ROBO2: variants seen among roughly 807,000 people sequenced by gnomAD.
The protein encoded by ROBO2 is roundabout guidance receptor 2, also known as roundabout homolog 2.
Under a neutral mutation model 160.8 loss-of-function variants are expected in ROBO2, and 53 were observed. The observed-to-expected ratio is 0.33, with a 90% CI of 0.26 to 0.41. ROBO2 has a LOEUF of 0.41. ROBO2 is among the 10% of genes least tolerant of loss of function. ROBO2 has a pLI of 1.00. For missense variants in ROBO2, 1,577 were observed against 1,722.4 expected (o/e 0.92, Z 1.49); for synonymous variants, 664 against 611.7 (o/e 1.09, Z -1.26).
intron 2 of ROBO2, among the ~76,000 whole-genome samples, chr3:75,984,345 G>GT (rs1243284950): frequency 1.3e-5 from 2 of 151,376 alleles, no homozygotes; most frequent in South Asian, 2.1e-4. Flanking sequence ...TATTTCCCTT[G>GT]TTTTTTAACT....
chr3:77,324,934 G>T (rs776171006), intron 2 of ROBO2, among the ~76,000 whole-genome samples: 1 of 152,048 alleles, frequency 6.6e-6, no homozygotes, highest in Non-Finnish European at 1.5e-5. Flanking sequence ...TGCCACCTTA[G>T]AAGTGATATT....
At chr3:76,566,856 AAAC>A (rs1360303764) in intron 2 of ROBO2, among the ~76,000 whole-genome samples, 7 of 152,218 alleles carry the variant, frequency 4.6e-5, no homozygotes, top group African/African-American at 1.7e-4. Context: ...TCATCAGATG[AAAC>A]AACAGCCCAA....
chr3:77,504,600 A>T (rs2088189805), intron 5 of ROBO2, among the ~76,000 whole-genome samples: 1 of 152,210 alleles, frequency 6.6e-6, no homozygotes, highest in Non-Finnish European at 1.5e-5. Flanking sequence ...TTCATTATGA[A>T]CATAATTTAT....
intron 2 of ROBO2, among the ~76,000 whole-genome samples, chr3:76,091,573 A>C (rs1451099276): frequency 6.6e-6 from 1 of 152,182 alleles, no homozygotes; most frequent in East Asian, 1.9e-4. Flanking sequence ...TTTCATTCTC[A>C]GATATCCACC....
intron 2 of ROBO2, among the ~76,000 whole-genome samples, chr3:76,218,250 C>A (rs1703700443): frequency 6.6e-6 from 1 of 152,130 alleles, no homozygotes; most frequent in Admixed American, 6.5e-5. Flanking sequence ...TAAAAACTGG[C>A]ACAAGACAGG....
At chr3:77,599,712 A>C (rs2153690986) in intron 19 of ROBO2, among the ~76,000 whole-genome samples, 1 of 152,270 alleles carries the variant, frequency 6.6e-6, no homozygotes, top group Admixed American at 6.5e-5. Flanking sequence ...ATACGTTTGA[A>C]TGTAATAAAA....
At chr3:76,751,472 G>C (rs2060645272) in intron 2 of ROBO2, among the ~76,000 whole-genome samples, 1 of 151,330 alleles carries the variant, frequency 6.6e-6, no homozygotes, top group African/African-American at 2.4e-5. Context: ...TTAAACTAAA[G>C]AATTTAAAAG....
intron 2 of ROBO2, among the ~76,000 whole-genome samples, chr3:76,354,216 C>A (rs1357140547): frequency 6.6e-6 from 1 of 151,826 alleles, no homozygotes; most frequent in African/African-American, 2.4e-5. Flanking sequence ...TTAAAATATG[C>A]TTTTAAATGT....
chr3:76,100,151 C>G (rs975031651), intron 2 of ROBO2, among the ~76,000 whole-genome samples: 1 of 152,110 alleles, frequency 6.6e-6, no homozygotes, highest in South Asian at 2.1e-4. Flanking sequence ...TGAATCCTTG[C>G]ACAATTCTTT....
At chr3:76,939,541 A>T (rs2149101757) in intron 2 of ROBO2, among the ~76,000 whole-genome samples, 1 of 152,242 alleles carries the variant, frequency 6.6e-6, no homozygotes, top group Non-Finnish European at 1.5e-5. Context: ...CTGTAATCCC[A>T]GCACTTTGGG....
rs528726238 is a variant in ROBO2, at chr3:76,130,614, C to T, written c.109+193012C>T. Among the ~76,000 whole-genome samples, 4 of 152,070 alleles carry T rather than the reference C, an allele frequency of 2.6e-5. No individual in the cohort carries two copies. The South Asian group carries it at 8.3e-4, about 32-fold the overall frequency. On this transcript the variant is annotated intron_variant, in intron 2 of 26. Transcript: ENST00000487694. ...TAACAAAGAGGTAGCACCACCAACC[C>T]CCACTGATATCTTCTTACATCTTAT...
At chr3:76,163,866 T>C (rs1178889992) in intron 2 of ROBO2, among the ~76,000 whole-genome samples, 1 of 152,136 alleles carries the variant, frequency 6.6e-6, no homozygotes, top group Non-Finnish European at 1.5e-5. Flanking sequence ...AGGGTAGTAG[T>C]TGCTGAAGGC....
At position 77,247,106 on chromosome 3, in the gene ROBO2, T is replaced by A. The variant is rs1396768463; in HGVS notation, c.388+148766T>A. Among the ~76,000 whole-genome samples the A allele has an allele frequency of 2.0e-5, 3 of 152,350 alleles. No individual in the cohort carries two copies. In the South Asian group the frequency reaches 6.2e-4, roughly 32 times the overall value. ...TGTATCTATTATTTTAGTGGCTATC[T>A]ACCAAGAGCTGAATCATTCTGTACA... On this transcript the variant is annotated intron_variant, in intron 2 of 25. Coordinates refer to ENST00000461745, the Ensembl canonical transcript of ROBO2.
chr3:77,523,912 A>T (rs796530), intron 6 of ROBO2, among the ~76,000 whole-genome samples: 119,889 of 151,146 alleles, frequency 0.79, 48,278 homozygotes, highest in African/African-American at 0.93. Flanking sequence ...TCCCAAAGAG[A>T]TTCAGAAGGT....
Position 76,439,416 on chromosome 3 carries a change from A to G in ROBO2, c.109+501814A>G, listed in dbSNP as rs1456351987. Reference sequence around the variant, plus strand: ...CAAATGTAAAATGGGATCCTGCTGAAGGTTACAAAGAAGAAGCATGAAGAG... The same window carrying G: ...CAAATGTAAAATGGGATCCTGCTGAGGGTTACAAAGAAGAAGCATGAAGAG... On this transcript the variant is annotated intron_variant, in intron 2 of 26. Transcript: ENST00000487694. Among the ~76,000 whole-genome samples, 3 of 151,188 alleles carry G rather than the reference A, an allele frequency of 2.0e-5. No homozygotes were observed. In the Admixed American group the frequency reaches 2.0e-4, roughly 10 times the overall value.
intron 2 of ROBO2, among the ~76,000 whole-genome samples, chr3:76,204,677 TGGGTAAA>T (rs1702714912): frequency 1.3e-5 from 2 of 152,180 alleles, no homozygotes; most frequent in Admixed American, 1.3e-4. Flanking sequence ...TGTGAATTAG[TGGGTAAA>T]GTGTTATCTT....
chr3:76,325,046 A>G (rs566458461), intron 2 of ROBO2, among the ~76,000 whole-genome samples: 1 of 152,356 alleles, frequency 6.6e-6, no homozygotes, highest in Non-Finnish European at 1.5e-5. Flanking sequence ...CGGAGCTTGC[A>G]GTGAGCAGAG....
chr3:76,484,937 T>G (rs946706471), intron 2 of ROBO2, among the ~76,000 whole-genome samples: 6 of 152,104 alleles, frequency 3.9e-5, no homozygotes, highest in Non-Finnish European at 7.4e-5. Flanking sequence ...CAGGGCCCTA[T>G]TTGGTCAACT....
At chr3:77,410,289 G>A (rs2076598336) in intron 2 of ROBO2, among the ~76,000 whole-genome samples, 1 of 152,064 alleles carries the variant, frequency 6.6e-6, no homozygotes, top group South Asian at 2.1e-4. Context: ...TCCCATTAAT[G>A]TAAGCCTGTC....
Sources: allele counts gnomAD v4.1 joint callset (sites outside exome capture counted in the v4.1 genomes callset), GRCh38; gene constraint gnomAD v4.1.1; transcripts MANE v1.5; gene names NCBI Gene and HGNC (gene_info 2026-07-23, HGNC 2026-07-21).